TCF25: variants seen among roughly 807,000 people sequenced by gnomAD.
The protein encoded by TCF25 is TCF25 ribosome quality control complex subunit, also known as ribosome quality control complex subunit TCF25.
In TCF25, 41 loss-of-function variants were observed where a neutral mutation model predicts 83.1. The ratio of observed to expected loss-of-function variants is 0.49; its 90% CI spans 0.38 to 0.64. The LOEUF (loss-of-function observed/expected upper bound fraction) is 0.64, where lower values mean the gene tolerates loss of function less well. TCF25 is among the 30% of genes least tolerant of loss of function. TCF25 has a pLI of 0.00. For synonymous variants in TCF25, 458 were observed against 365.0 expected, an observed-to-expected ratio of 1.25 and a Z score of -2.90; for missense variants, 979 against 914.5, an observed-to-expected ratio of 1.07 and a Z score of -0.91.
rs2041937880 is a variant in TCF25 at position 89,873,868 on chromosome 16, C to A, written c.192+9C>A. ...ACAACCGCTTCGAGCTGGTGAGGAG[C>A]GCGGCGGCCCGGGTGGGGGTGGGGT... is the stretch of plus-strand genomic sequence containing the variant. On this transcript the variant is annotated intron_variant, in intron 1 of 17. Transcript: ENST00000263346. 5.5e-6 allele frequency: 7 copies of A among 1,273,734 alleles called. No homozygotes were observed. Among genetic ancestry groups the A allele is most frequent in the Middle Eastern group, 2.1e-4 (1 of 4,858 alleles). The allele number at this position is 1,273,734 out of a possible 1,614,324, so 78.9% of individuals were successfully genotyped here.
chr16:89,908,601 C>T (rs1371765030), intron 16 of TCF25, among the ~76,000 whole-genome samples: 2 of 103,426 alleles, frequency 1.9e-5, no homozygotes, highest in Non-Finnish European at 4.4e-5. Context: ...GCTCCCGCCT[C>T]CCTCCTCCCA....
chr16:89,881,922 T>A (rs1261881658), intron 1 of TCF25, among the ~76,000 whole-genome samples: 1 of 147,142 alleles, frequency 6.8e-6, no homozygotes, highest in Non-Finnish European at 1.5e-5. Flanking sequence ...ACCTGGCCGA[T>A]TTTTTTATTT....
rs1014503427 is a variant in TCF25, at chr16:89,899,595, G to A, written c.1221+723G>A. ...AATACAAAATTAGCTGGGCGTGGTG[G>A]TGCATGCCTGTAATCCCAGCTACTC... On this transcript the variant is annotated intron_variant, in intron 11 of 17. Coordinates refer to ENST00000263346, the MANE Select transcript of TCF25 (RefSeq NM_014972.3). Among the ~76,000 whole-genome samples, 3 of 152,136 alleles carry A rather than the reference G, an allele frequency of 2.0e-5. No homozygotes were observed. The South Asian group carries it at 6.2e-4, about 32-fold the overall frequency.
In TCF25 at chr16:89,877,112, AT is replaced by A. The variant is rs200571373; in HGVS notation, c.192+3254del. ...GCGAGACTCTGTCTCAAAAAAATAA[AT>A]AAATAAATAAATAAATAAATCGTAA... On this transcript the variant is annotated intron_variant, in intron 1 of 17. Coordinates refer to ENST00000263346, the MANE Select transcript of TCF25 (RefSeq NM_014972.3). Among the ~76,000 whole-genome samples the A allele has an allele frequency of 3.2e-3, 463 of 144,676 alleles. 6 individuals are homozygous for A. The highest frequency in any genetic ancestry group is 0.013 in the African/African-American group (445 of 35,046). The allele number at this position is 144,676 out of a possible 152,430, so 94.9% of individuals were successfully genotyped here. A position where few individuals can be genotyped will look rare whatever the true frequency, so the allele number is the denominator to read the frequency against.
Position 89,884,669 on chromosome 16 carries a change from G to T in TCF25, c.429+13G>T, listed in dbSNP as rs757516447. ...GGGAGAAGCATCGGTACGTGAGTTG[G>T]GCCTGGCTGTGCTCTGTCCCTCTGC... On this transcript the variant is annotated intron_variant, in intron 3 of 17. Coordinates refer to ENST00000263346, the MANE Select transcript of TCF25 (RefSeq NM_014972.3). 1.9e-6 allele frequency: 3 copies of T among 1,609,982 alleles called. No individual in the cohort carries two copies. The highest frequency in any genetic ancestry group is 2.2e-5 in the South Asian group (2 of 90,586).
At chr16:89,889,126 A>G (rs2043232562) in intron 5 of TCF25, 2 of 298,748 alleles carry the variant, frequency 6.7e-6, no homozygotes, top group Non-Finnish European at 1.3e-5. Flanking sequence ...TGCTTCTGGG[A>G]CTTTATGTAG....
chr16:89,910,677 G>C lies in TCF25; in HGVS notation c.1872+14G>C, dbSNP rs747080597. The C allele has an allele frequency of 2.5e-6, 4 of 1,613,000 alleles. No individual in the cohort carries two copies. Among genetic ancestry groups the C allele is most frequent in the South Asian group, 1.1e-5 (1 of 91,084 alleles). On this transcript the variant is annotated intron_variant, in intron 17 of 17. Coordinates refer to ENST00000263346, the MANE Select transcript of TCF25 (RefSeq NM_014972.3). ...TATACCATGGAGGTAGGTTGAGCTCGTCCCAGCCCCTGCCTCCCCAGTGGG... is the reference window on the plus strand; with the variant it reads ...TATACCATGGAGGTAGGTTGAGCTCCTCCCAGCCCCTGCCTCCCCAGTGGG...
At position 89,900,795 on chromosome 16, in the gene TCF25, G is replaced by C; in HGVS notation, c.1381+1G>C. 6.4e-7 allele frequency: 1 copy of C among 1,570,708 alleles called. No homozygotes were observed. The highest frequency in any genetic ancestry group is 8.7e-7 in the Non-Finnish European group (1 of 1,145,130). On this transcript the variant is annotated splice_donor_variant, in intron 12 of 17. Coordinates refer to ENST00000263346, the MANE Select transcript of TCF25 (RefSeq NM_014972.3). LOFTEE classifies it high-confidence loss of function. ...CAGGCGCTCACCATGTTCCCTGGAG[G>C]TGAGTGAGCGCTGTGTCTCGCCTGG...
chr16:89,908,794 CCTCCCAGCTCCCACCTCGCAGCTCCCAG>C lies in TCF25; in HGVS notation c.1799+1504_1799+1531del, dbSNP rs535531959. 3.9e-3 allele frequency among the ~76,000 whole-genome samples: 532 copies of C among 138,110 alleles called. 2 individuals are homozygous for C. Among genetic ancestry groups the C allele is most frequent in the Non-Finnish European group, 4.9e-3 (330 of 67,288 alleles). 90.6% of individuals were successfully genotyped at this position (138,110 alleles called of 152,430 possible). On this transcript the variant is annotated intron_variant, in intron 16 of 17. Coordinates refer to ENST00000263346, the MANE Select transcript of TCF25 (RefSeq NM_014972.3). ...CCCGCCTCCCTCCTCCCAGTTTCCA[CCTCCCAGCTCCCACCTCGCAGCTCCCAG>C]CTCCCAGCTCCCACCTCGCAGCTCC...
At chr16:89,882,076 G>T (rs552987438) in intron 1 of TCF25, among the ~76,000 whole-genome samples, 3 of 152,272 alleles carry the variant, frequency 2.0e-5, no homozygotes, top group Non-Finnish European at 2.9e-5. Context: ...TAGCTGAGGA[G>T]CCAGAACTTT....
At chr16:89,892,113 C>G (rs993967743) in intron 5 of TCF25, 80 bp from the exon 6 acceptor site, 1 of 1,391,734 alleles carries the variant, frequency 7.2e-7, no homozygotes, top group Non-Finnish European at 9.6e-7. Context: ...TTCCACAGCC[C>G]GTGCAGGGAT....
At chr16:89,875,961 C>T (rs908170686) in intron 1 of TCF25, among the ~76,000 whole-genome samples, 1 of 151,394 alleles carries the variant, frequency 6.6e-6, no homozygotes, top group African/African-American at 2.4e-5. Flanking sequence ...ACAGCATACC[C>T]TACCATGCTC....
At chr16:89,909,401 C>T (rs2045350173) in intron 16 of TCF25, 2 of 258,530 alleles carry the variant, frequency 7.7e-6, no homozygotes, top group Non-Finnish European at 1.6e-5. Flanking sequence ...GTCCCAGCTA[C>T]TTGGGAGGCT....
intron 9 of TCF25, among the ~76,000 whole-genome samples, chr16:89,896,456 C>A (rs1275768986): frequency 6.6e-6 from 1 of 151,998 alleles, no homozygotes; most frequent in East Asian, 1.9e-4. Flanking sequence ...GCCTGTAATC[C>A]CAGCACTTTG....
At chr16:89,885,514 C>G (rs1056758553) in intron 3 of TCF25, among the ~76,000 whole-genome samples, 1 of 152,210 alleles carries the variant, frequency 6.6e-6, no homozygotes, top group Non-Finnish European at 1.5e-5. Flanking sequence ...CTGACTGTGT[C>G]CTGAGACAAG....
At chr16:89,887,134 G>T (rs1740226570) in intron 4 of TCF25, among the ~76,000 whole-genome samples, 1 of 151,952 alleles carries the variant, frequency 6.6e-6, no homozygotes, top group Non-Finnish European at 1.5e-5. Flanking sequence ...CCTGGGCTCA[G>T]GAGATTCTCT....
intron 16 of TCF25, chr16:89,908,963 C>G (rs2045314628): frequency 7.8e-7 from 1 of 1,289,422 alleles, no homozygotes; most frequent in South Asian, 1.2e-5. Flanking sequence ...TTTCCCCTCA[C>G]AGGAAGGGAG....
chr16:89,909,002 G>T, intron 16 of TCF25: 2 of 1,289,540 alleles, frequency 1.6e-6, no homozygotes, highest in Non-Finnish European at 2.0e-6. Flanking sequence ...TTATTTGGGG[G>T]TCACAGCTCT....
intron 2 of TCF25, 31 bp downstream of exon 2, chr16:89,883,543 C>CTCT: frequency 6.4e-7 from 1 of 1,563,152 alleles, no homozygotes; most frequent in South Asian, 1.2e-5. Flanking sequence ...GAGGTGGCAT[C>CTCT]AGACGGGAGA....
Sources: allele counts gnomAD v4.1 joint callset (sites outside exome capture counted in the v4.1 genomes callset), GRCh38; gene constraint gnomAD v4.1.1; transcripts MANE v1.5; gene names NCBI Gene and HGNC (gene_info 2026-07-23, HGNC 2026-07-21).